GLIS1: variants seen among roughly 807,000 people sequenced by gnomAD.
GLIS1 encodes GLIS family zinc finger 1.
Under a neutral mutation model 63.8 loss-of-function variants are expected in GLIS1, and 24 were observed. The observed-to-expected ratio is 0.38, with a 90% CI of 0.27 to 0.53. The LOEUF (loss-of-function observed/expected upper bound fraction) is 0.53, where lower values mean the gene tolerates loss of function less well. GLIS1 is among the 20% of genes least tolerant of loss of function. GLIS1 has a pLI of 0.85. For missense variants in GLIS1, 1,036 were observed against 1,074.1 expected (o/e 0.96, Z 0.50); for synonymous variants, 450 against 482.5 (o/e 0.93, Z 0.88).
At chr1:53,654,673 T>A (rs991455050) in intron 2 of GLIS1, among the ~76,000 whole-genome samples, 1 of 152,034 alleles carries the variant, frequency 6.6e-6, no homozygotes, top group Non-Finnish European at 1.5e-5. Flanking sequence ...ATGAGACACA[T>A]CAGGGAGGAG....
intron 2 of GLIS1, among the ~76,000 whole-genome samples, chr1:53,601,379 G>A (rs1303227495): frequency 6.6e-6 from 1 of 152,194 alleles, no homozygotes; most frequent in East Asian, 1.9e-4. Context: ...ATTACAAAGT[G>A]CCTTGCAGAT....
Position 53,709,931 on chromosome 1 carries a change from T to C in GLIS1, c.259+27875A>G, listed in dbSNP as rs1167233129. On this transcript the variant is annotated intron_variant, in intron 2 of 10. Coordinates refer to ENST00000628545, the MANE Select transcript of GLIS1 (RefSeq NM_001367484.1). The stretch of plus-strand genomic sequence containing the variant: ...GTGGAGGGACAGGTACAAAGGGACA[T>C]GGGAGTCCCCACAGATGTACAGGAT... Among the ~76,000 whole-genome samples, 4 of 152,140 alleles carry C rather than the reference T, an allele frequency of 2.6e-5. No individual in the cohort carries two copies. In the South Asian group the frequency reaches 8.3e-4, roughly 31 times the overall value.
intron 7 of GLIS1, among the ~76,000 whole-genome samples, chr1:53,517,175 A>T (rs1028264780): frequency 2.0e-5 from 3 of 152,142 alleles, no homozygotes; most frequent in Admixed American, 1.3e-4. Context: ...AGTCCACTTG[A>T]GGCCAGGGCT....
intron 2 of GLIS1, among the ~76,000 whole-genome samples, chr1:53,687,681 C>T (rs1455137046): frequency 6.6e-6 from 1 of 152,198 alleles, no homozygotes; most frequent in South Asian, 2.1e-4. Context: ...CACCACCCAG[C>T]CAGGGTCTTC....
At position 53,546,961 on chromosome 1, in the gene GLIS1, C is replaced by A. The variant is rs117445178; in HGVS notation, c.1321-17009G>T. Among the ~76,000 whole-genome samples, 44 of 152,230 alleles carry A rather than the reference C, an allele frequency of 2.9e-4. 1 individual carries two copies. In the East Asian group the frequency reaches 7.0e-3, roughly 24 times the overall value. Reference sequence around the variant, plus strand: ...TCTTCCCCTGACTGGGTATGGAAGGCTGACACAGAATGGACCTGGTCCTGA... The same window carrying A: ...TCTTCCCCTGACTGGGTATGGAAGGATGACACAGAATGGACCTGGTCCTGA... On this transcript the variant is annotated intron_variant, in intron 4 of 10. Coordinates refer to ENST00000628545, the MANE Select transcript of GLIS1 (RefSeq NM_001367484.1).
rs548404797 is a variant in GLIS1 at position 53,677,645 on chromosome 1, C to T, written c.259+60161G>A. 4.6e-5 allele frequency among the ~76,000 whole-genome samples: 7 copies of T among 152,386 alleles called. No individual in the cohort carries two copies. In the East Asian group the frequency reaches 7.7e-4, roughly 17 times the overall value. ...GGGGCCTCTGCAGGCCCAGACCAGA[C>T]GTCTCCCAGGGCCTGGGCCCCAGTC... On this transcript the variant is annotated intron_variant, in intron 2 of 10. Transcript: ENST00000628545.
rs187633080 is a variant in GLIS1, at chr1:53,706,380, C to T, written c.259+31426G>A. ...ACACAGTAGGTGCTCAAAAAAGATG[C>T]GTTCTTTTCCCTTCCTTCTTTCCTA... On this transcript the variant is annotated intron_variant, in intron 2 of 10. Coordinates refer to ENST00000628545, the MANE Select transcript of GLIS1 (RefSeq NM_001367484.1). Among the ~76,000 whole-genome samples, 94 of 152,320 alleles carry T rather than the reference C, an allele frequency of 6.2e-4. 1 individual carries two copies. The highest frequency in any genetic ancestry group is 1.2e-3 in the Non-Finnish European group (84 of 68,036).
chr1:53,705,960 C>T (rs1247092502), intron 2 of GLIS1, among the ~76,000 whole-genome samples: 1 of 152,162 alleles, frequency 6.6e-6, no homozygotes, highest in East Asian at 1.9e-4. Context: ...CCCCACACCT[C>T]CCACCGAAGC....
chr1:53,514,736 C>T lies in GLIS1; in HGVS notation c.1772G>A (p.Gly591Asp), dbSNP rs374307880. Residue 591 changes from glycine to aspartate, a missense_variant, in exon 8 of 11, where the codon GGC becomes GAC. Transcript: ENST00000628545. ...TACGTCGTGCGCTGGGGGCAGGAGG[C>T]CCGATGCAAGTCCGTTATGGGGGGT... ...SITPHNGLASGLLPPAHDVPS... is the reference protein window; with the variant it reads ...SITPHNGLASDLLPPAHDVPS... 3.1e-6 allele frequency: 5 copies of T among 1,610,664 alleles called. No homozygotes were observed. The highest frequency in any genetic ancestry group is 4.2e-6 in the Non-Finnish European group (5 of 1,178,572).
intron 2 of GLIS1, among the ~76,000 whole-genome samples, chr1:53,674,934 A>G (rs1050835879): frequency 6.6e-6 from 1 of 152,146 alleles, no homozygotes; most frequent in African/African-American, 2.4e-5. Context: ...GAGAGATTAC[A>G]AGCAGATTTC....
At chr1:53,513,953 G>A (rs1644323313) in intron 8 of GLIS1, among the ~76,000 whole-genome samples, 1 of 152,262 alleles carries the variant, frequency 6.6e-6, no homozygotes, top group Non-Finnish European at 1.5e-5. Flanking sequence ...AAAACAGCAG[G>A]GAGGGCAGGA....
chr1:53,685,231 G>T (rs1646321997), intron 2 of GLIS1, among the ~76,000 whole-genome samples: 1 of 152,172 alleles, frequency 6.6e-6, no homozygotes, highest in Non-Finnish European at 1.5e-5. Context: ...CACAGAGAAG[G>T]AGACTAGACA....
At chr1:53,694,482 G>T (rs907296171) in intron 2 of GLIS1, among the ~76,000 whole-genome samples, 1 of 152,188 alleles carries the variant, frequency 6.6e-6, no homozygotes, top group Non-Finnish European at 1.5e-5. Context: ...GCCCAGGAAA[G>T]CCCTGCTGAC....
chr1:53,567,949 A>G (rs2100456293), intron 4 of GLIS1, among the ~76,000 whole-genome samples: 1 of 152,344 alleles, frequency 6.6e-6, no homozygotes, highest in South Asian at 2.1e-4. Flanking sequence ...GGCAGTGAAA[A>G]GGGGAAATGT....
Position 53,594,267 on chromosome 1 carries a change from C to A in GLIS1, c.1161G>T (p.Leu387=). ...CCAAYEQQEE[L]VRHIEKSHID... is the part of the protein sequence containing the mutation. ...TGTGGCTCTTCTCGATGTGCCGCAC[C>A]AGCTCCTCCTGCTGCTCATAGGCTG... Residue 387 remains leucine, a synonymous_variant, in exon 4 of 11, where the codon CTG becomes CTT. Transcript: ENST00000628545. The A allele has an allele frequency of 5.6e-6, 9 of 1,613,490 alleles. No homozygotes were observed. The highest frequency in any genetic ancestry group is 7.6e-6 in the Non-Finnish European group (9 of 1,179,962).
intron 5 of GLIS1, among the ~76,000 whole-genome samples, chr1:53,527,083 C>A (rs1340779316): frequency 6.6e-6 from 1 of 152,266 alleles, no homozygotes; most frequent in Non-Finnish European, 1.5e-5. Flanking sequence ...CCCACACCCA[C>A]CCCATGAGAC....
At chr1:53,632,442 G>A (rs965628544) in intron 2 of GLIS1, among the ~76,000 whole-genome samples, 3 of 146,344 alleles carry the variant, frequency 2.0e-5, no homozygotes, top group African/African-American at 7.6e-5. Flanking sequence ...ACTGAGGGGT[G>A]TAATGAGTGT....
chr1:53,712,769 G>A (rs550192529), intron 2 of GLIS1, among the ~76,000 whole-genome samples: 9 of 152,298 alleles, frequency 5.9e-5, no homozygotes, highest in African/African-American at 1.9e-4. Flanking sequence ...GGCTTTGTCT[G>A]GTCCTACCCA....
intron 2 of GLIS1, among the ~76,000 whole-genome samples, chr1:53,677,511 C>T (rs779544192): frequency 1.3e-5 from 2 of 152,214 alleles, no homozygotes; most frequent in African/African-American, 4.8e-5. Flanking sequence ...GGCCATTGAA[C>T]GCCAGACAGA....
Sources: gnomAD v4.1 joint callset for allele counts (sites outside exome capture counted in the v4.1 genomes callset) on GRCh38, gnomAD v4.1.1 for gene constraint, MANE v1.5 for transcripts, NCBI Gene and HGNC (gene_info 2026-07-23, HGNC 2026-07-21) for gene names.